ESR2: variants seen among roughly 807,000 people sequenced by gnomAD.
ESR2 encodes estrogen receptor beta.
Under a neutral mutation model 49.6 loss-of-function variants are expected in ESR2, and 36 were observed. That is an observed-to-expected ratio of 0.73 (90% CI 0.56 to 0.96). The LOEUF (loss-of-function observed/expected upper bound fraction) is 0.96, where lower values mean the gene tolerates loss of function less well. ESR2 is among the 40% of genes least tolerant of loss of function. The pLI is 0.00. For missense variants in ESR2, 714 were observed against 693.0 expected (o/e 1.03, Z -0.34); for synonymous variants, 320 against 266.1 (o/e 1.20, Z -1.97).
chr14:64,310,289 T>TAAAAAAAAAA (rs1567795706), intron 1 of ESR2, among the ~76,000 whole-genome samples: 10 of 124,370 alleles, frequency 8.0e-5, no homozygotes, highest in African/African-American at 3.0e-4. Context: ...TCTCAAAAAA[T>TAAAAAAAAAA]AATAATAATA....
chr14:64,244,835 A>G (rs2075815173), intron 7 of ESR2, among the ~76,000 whole-genome samples: 1 of 152,048 alleles, frequency 6.6e-6, no homozygotes, highest in Admixed American at 6.5e-5. Flanking sequence ...TATCCATCCT[A>G]TTGGTTCTGT....
chr14:64,256,280 A>G (rs1156850636), intron 6 of ESR2, among the ~76,000 whole-genome samples: 2 of 152,254 alleles, frequency 1.3e-5, no homozygotes, highest in Non-Finnish European at 2.9e-5. Flanking sequence ...TAAGTCAATT[A>G]AAAATTGTTT....
rs943287711 is a variant in ESR2, at chr14:64,230,720, T to C, written c.*2417A>G. The stretch of plus-strand genomic sequence containing the variant: ...GGGGTGCTGTGAGAACAGAGCGAGA[T>C]TCGGTGAGAATAGCTCAGCTGGAAA... On this transcript the variant is annotated 3_prime_UTR_variant, in exon 9 of 9. Transcript: ENST00000341099. Among the ~76,000 whole-genome samples the C allele has an allele frequency of 2.0e-5, 3 of 151,704 alleles. No individual in the cohort carries two copies. Among genetic ancestry groups the C allele is most frequent in the African/African-American group, 7.3e-5 (3 of 41,252 alleles).
chr14:64,303,973 AT>A (rs1596476098), intron 1 of ESR2, among the ~76,000 whole-genome samples: 1 of 152,368 alleles, frequency 6.6e-6, no homozygotes, highest in East Asian at 1.9e-4. Flanking sequence ...ACATACATAC[AT>A]TCACATAGGA....
chr14:64,230,759 G>C lies in ESR2; in HGVS notation c.*2378C>G, dbSNP rs988738277. Reference sequence around the variant, plus strand: ...CTCAGCTGGAAACTCACTGTGCGGCGCTCCTGATACTGCCCACTCGAGGCT... The same window carrying C: ...CTCAGCTGGAAACTCACTGTGCGGCCCTCCTGATACTGCCCACTCGAGGCT... On this transcript the variant is annotated 3_prime_UTR_variant, in exon 9 of 9. Coordinates refer to ENST00000341099, the MANE Select transcript of ESR2 (RefSeq NM_001437.3). Among the ~76,000 whole-genome samples, 1 of 151,068 alleles carries C rather than the reference G, an allele frequency of 6.6e-6. No individual in the cohort carries two copies. The highest frequency in any genetic ancestry group is 2.4e-5 in the African/African-American group (1 of 41,020).
intron 1 of ESR2, among the ~76,000 whole-genome samples, chr14:64,322,317 C>G (rs1341462742): frequency 6.6e-6 from 1 of 152,088 alleles, no homozygotes; most frequent in Non-Finnish European, 1.5e-5. Flanking sequence ...CCTTGACCTC[C>G]CAAAGTGCTG....
At chr14:64,277,245 T>C (rs1298332461) in intron 3 of ESR2, among the ~76,000 whole-genome samples, 1 of 152,186 alleles carries the variant, frequency 6.6e-6, no homozygotes, top group Admixed American at 6.6e-5. Context: ...CCAGTGCATT[T>C]GTACAGTGAA....
chr14:64,330,822 G>A (rs2077446138), intron 1 of ESR2: 1 of 152,068 alleles, frequency 6.6e-6, no homozygotes, highest in African/African-American at 2.4e-5. Context: ...CTACTCGGGA[G>A]GCTGAGGCAG....
chr14:64,332,245 T>G (rs917657143), intron 1 of ESR2: 3 of 152,198 alleles, frequency 2.0e-5, no homozygotes, highest in African/African-American at 7.2e-5. Flanking sequence ...CTGAGTTTAG[T>G]CTCTTAGTTT....
chr14:64,227,466 C>T, downstream of ESR2: 2 of 1,536,628 alleles, frequency 1.3e-6, no homozygotes, highest in South Asian at 1.1e-5. Flanking sequence ...TACAATGATC[C>T]CAGAGGGAAA....
intron 8 of ESR2, 162 bp from the exon 9 acceptor site, chr14:64,233,485 T>A (rs2098729316): frequency 3.1e-6 from 2 of 638,404 alleles, no homozygotes; most frequent in Admixed American, 5.8e-5. Context: ...CTCCCCCTGA[T>A]AATTTAGGCT....
chr14:64,230,858 A>C lies in ESR2; in HGVS notation c.*2279T>G, dbSNP rs1262842862. On this transcript the variant is annotated 3_prime_UTR_variant, in exon 9 of 9. Transcript: ENST00000341099. ...CTGTCTTAAGATCTACTCTCAAAAA[A>C]AAAAAATTATATATATATATATATA... 9.7e-6 allele frequency: 1 copy of C among 102,742 alleles called. No homozygotes were observed. Among genetic ancestry groups the C allele is most frequent in the Non-Finnish European group, 2.0e-5 (1 of 51,208 alleles). 6.4% of individuals were successfully genotyped at this position (102,742 alleles called of 1,614,324 possible).
chr14:64,233,446 G>A (rs2098729279), intron 8 of ESR2, 123 bp from the exon 9 acceptor site: 2 of 907,986 alleles, frequency 2.2e-6, no homozygotes, highest in Non-Finnish European at 3.4e-6. Flanking sequence ...TCTTCCCCCA[G>A]CCCATTTATC....
chr14:64,229,400 T>A lies in ESR2; in HGVS notation c.*3737A>T, dbSNP rs1279266969. 2.0e-5 allele frequency among the ~76,000 whole-genome samples: 3 copies of A among 152,138 alleles called. No individual in the cohort carries two copies. Among genetic ancestry groups the A allele is most frequent in the Admixed American group, 6.5e-5 (1 of 15,290 alleles). On this transcript the variant is annotated 3_prime_UTR_variant, in exon 9 of 9. Transcript: ENST00000341099. ...AGTTTTATGACCTTGAATAGGTGAA[T>A]TTGCCCCCGTGGGCTTTAATTTACA...
intron 7 of ESR2, among the ~76,000 whole-genome samples, chr14:64,238,326 T>A (rs2075649562): frequency 6.6e-6 from 1 of 152,160 alleles, no homozygotes; most frequent in Admixed American, 6.5e-5. Context: ...TGGAAAGGCA[T>A]ATGCGAAATC....
chr14:64,325,975 CACAG>C (rs2077384781), intron 1 of ESR2, among the ~76,000 whole-genome samples: 1 of 146,408 alleles, frequency 6.8e-6, no homozygotes, highest in Non-Finnish European at 1.5e-5. Context: ...AACAATTATA[CACAG>C]ATTTTTTTTT....
At chr14:64,235,966 T>C (rs2075590093) in intron 7 of ESR2, among the ~76,000 whole-genome samples, 2 of 152,184 alleles carry the variant, frequency 1.3e-5, no homozygotes, top group Non-Finnish European at 2.9e-5. Flanking sequence ...TGATTCCCTT[T>C]AATAATTAGC....
At chr14:64,309,862 G>A (rs1286768789) in intron 1 of ESR2, among the ~76,000 whole-genome samples, 1 of 152,002 alleles carries the variant, frequency 6.6e-6, no homozygotes, top group Admixed American at 6.6e-5. Context: ...TGAGGCGGGC[G>A]GATCACAAGG....
chr14:64,266,000 G>C (rs1232645557), intron 4 of ESR2, among the ~76,000 whole-genome samples: 1 of 152,110 alleles, frequency 6.6e-6, no homozygotes. Flanking sequence ...CTTTCTCTAT[G>C]GTCAGTGAAG....
Sources: allele counts gnomAD v4.1 joint callset (sites outside exome capture counted in the v4.1 genomes callset), GRCh38; gene constraint gnomAD v4.1.1; transcripts MANE v1.5; gene names NCBI Gene and HGNC (gene_info 2026-07-23, HGNC 2026-07-21).